The following CDH13 variants were observed in gnomAD, a reference collection of about 807,000 sequenced individuals.
The protein encoded by CDH13 is cadherin-13.
CDH13 carries 24 observed loss-of-function variants against 63.8 expected under a neutral mutation model. The observed-to-expected ratio is 0.38, with a 90% CI of 0.27 to 0.53. CDH13 has a LOEUF of 0.53. Among genes scored for constraint, CDH13 ranks in the 20% least tolerant of loss-of-function variants. CDH13 has a pLI of 0.85. For missense variants in CDH13, 1,049 were observed against 903.1 expected (o/e 1.16, Z -2.07); for synonymous variants, 503 against 355.3 (o/e 1.42, Z -4.67).
chr16:83,434,327 G>A (rs1241980142), intron 6 of CDH13, among the ~76,000 whole-genome samples: 1 of 152,138 alleles, frequency 6.6e-6, no homozygotes. Flanking sequence ...TGGCTAGATA[G>A]CCTTGGCTCT....
At chr16:82,756,523 A>G (rs916559742) in intron 1 of CDH13, among the ~76,000 whole-genome samples, 5 of 152,130 alleles carry the variant, frequency 3.3e-5, no homozygotes, top group African/African-American at 1.2e-4. Context: ...GTTTCTCAGT[A>G]TCTTTCAGCC....
chr16:83,156,799 T>C (rs1391873288), intron 4 of CDH13, among the ~76,000 whole-genome samples: 1 of 152,198 alleles, frequency 6.6e-6, no homozygotes, highest in African/African-American at 2.4e-5. Flanking sequence ...CACAGATGTT[T>C]TTATGGCCAT....
At chr16:83,256,433 G>T (rs1215877109) in intron 5 of CDH13, among the ~76,000 whole-genome samples, 3 of 152,104 alleles carry the variant, frequency 2.0e-5, no homozygotes. Flanking sequence ...TGTCAGCTCA[G>T]AGTTCTAATG....
At chr16:83,701,400 A>C (rs1269554820) in intron 10 of CDH13, among the ~76,000 whole-genome samples, 2 of 152,174 alleles carry the variant, frequency 1.3e-5, no homozygotes, top group African/African-American at 4.8e-5. Flanking sequence ...CATTCGGTCC[A>C]CACGTATCCA....
At chr16:83,095,842 A>G (rs1430997911) in intron 3 of CDH13, among the ~76,000 whole-genome samples, 3 of 152,234 alleles carry the variant, frequency 2.0e-5, no homozygotes, top group Non-Finnish European at 2.9e-5. Flanking sequence ...CTTAAAGGCA[A>G]TAGAGGCATG....
intron 5 of CDH13, among the ~76,000 whole-genome samples, chr16:83,299,070 A>G (rs1057394677): frequency 5.3e-5 from 8 of 152,232 alleles, no homozygotes; most frequent in African/African-American, 1.9e-4. Context: ...CCTTTCAGAC[A>G]TTTTTAGTAT....
chr16:83,520,266 C>CA (rs1484254553), intron 7 of CDH13, among the ~76,000 whole-genome samples: 2 of 151,944 alleles, frequency 1.3e-5, no homozygotes, highest in African/African-American at 4.8e-5. Flanking sequence ...GCCAAGTGTA[C>CA]AAAAAAGTAC....
At chr16:83,667,008 T>C (rs1038648220) in intron 8 of CDH13, among the ~76,000 whole-genome samples, 1 of 123,626 alleles carries the variant, frequency 8.1e-6, no homozygotes, top group South Asian at 2.6e-4. Flanking sequence ...GATGGATGGA[T>C]GGATGGATGG....
chr16:83,223,542 T>G (rs1393929437), intron 5 of CDH13, among the ~76,000 whole-genome samples: 2 of 152,242 alleles, frequency 1.3e-5, no homozygotes, highest in African/African-American at 4.8e-5. Context: ...TTTGCTCTGA[T>G]GCTCACAACT....
chr16:83,528,076 A>C (rs1013270656), intron 7 of CDH13, among the ~76,000 whole-genome samples: 3 of 152,224 alleles, frequency 2.0e-5, no homozygotes, highest in Non-Finnish European at 4.4e-5. Context: ...CCCCCTACAC[A>C]CAGGCATACC....
intron 5 of CDH13, among the ~76,000 whole-genome samples, chr16:83,315,078 G>A (rs575330216): frequency 8.5e-5 from 13 of 152,214 alleles, no homozygotes; most frequent in Non-Finnish European, 1.5e-4. Context: ...CAAAGTGATA[G>A]TGAGGAATAA....
At chr16:83,031,553 C>T (rs1300659378) in intron 2 of CDH13, among the ~76,000 whole-genome samples, 1 of 151,878 alleles carries the variant, frequency 6.6e-6, no homozygotes, top group African/African-American at 2.4e-5. Flanking sequence ...CTTTGAATAG[C>T]CTATAATGTC....
intron 2 of CDH13, among the ~76,000 whole-genome samples, chr16:83,006,973 G>C (rs970174048): frequency 6.6e-6 from 1 of 150,908 alleles, no homozygotes; most frequent in African/African-American, 2.4e-5. Flanking sequence ...GCCCAGGCTG[G>C]AGTGCAATGG....
At chr16:82,890,239 A>G (rs1034726815) in intron 2 of CDH13, among the ~76,000 whole-genome samples, 34 of 152,234 alleles carry the variant, frequency 2.2e-4, no homozygotes, top group Non-Finnish European at 3.4e-4. Flanking sequence ...CTGTCCCAAA[A>G]GAAATGCTCC....
At chr16:83,387,768 C>T (rs1429224852) in intron 6 of CDH13, among the ~76,000 whole-genome samples, 1 of 152,178 alleles carries the variant, frequency 6.6e-6, no homozygotes, top group Non-Finnish European at 1.5e-5. Context: ...ATGTGACCAT[C>T]TTAGGATGCC....
At chr16:82,659,560 A>G (rs1305079120) in intron 1 of CDH13, among the ~76,000 whole-genome samples, 2 of 152,224 alleles carry the variant, frequency 1.3e-5, no homozygotes, top group East Asian at 1.9e-4. Context: ...TATAATCCAT[A>G]TGCATGAACA....
intron 6 of CDH13, among the ~76,000 whole-genome samples, chr16:83,455,851 G>A (rs1412954749): frequency 1.3e-5 from 2 of 152,186 alleles, no homozygotes; most frequent in Admixed American, 6.5e-5. Context: ...CTCTGTGCTA[G>A]CTGGAAACAA....
chr16:82,987,882 A>T (rs903138584), intron 2 of CDH13, among the ~76,000 whole-genome samples: 2 of 152,176 alleles, frequency 1.3e-5, no homozygotes, highest in Non-Finnish European at 2.9e-5. Flanking sequence ...GGATTTGGAA[A>T]GGTAACCTGG....
chr16:83,339,781 A>G (rs1343094098), intron 5 of CDH13, among the ~76,000 whole-genome samples: 1 of 152,148 alleles, frequency 6.6e-6, no homozygotes, highest in Admixed American at 6.5e-5. Flanking sequence ...TCCCATGATC[A>G]GCCAAGCTTT....
Sources: gnomAD v4.1 joint callset for allele counts (sites outside exome capture counted in the v4.1 genomes callset) on GRCh38, gnomAD v4.1.1 for gene constraint, MANE v1.5 for transcripts, NCBI Gene and HGNC (gene_info 2026-07-23, HGNC 2026-07-21) for gene names.